GALNT17: variants seen among roughly 807,000 people sequenced by gnomAD.
GALNT17 encodes polypeptide N-acetylgalactosaminyltransferase 17, also known as UDP-GalNAc:polypeptide N-acetylgalactosaminyltransferase-like 3.
In GALNT17, 29 loss-of-function variants were observed where a neutral mutation model predicts 63.7. The ratio of observed to expected loss-of-function variants is 0.46; its 90% CI spans 0.34 to 0.62. GALNT17 has a LOEUF of 0.62. GALNT17 is among the 20% of genes least tolerant of loss of function. The probability of loss-of-function intolerance (pLI) is 0.01; values close to 1 mark genes in which losing one functional copy is unlikely to be tolerated. For missense variants in GALNT17, 603 were observed against 799.6 expected, an observed-to-expected ratio of 0.75 and a Z score of 2.97; for synonymous variants, 305 against 318.3, an observed-to-expected ratio of 0.96 and a Z score of 0.45.
chr7:71,531,196 A>G (rs1012229518), intron 5 of GALNT17, among the ~76,000 whole-genome samples: 1 of 152,170 alleles, frequency 6.6e-6, no homozygotes, highest in Non-Finnish European at 1.5e-5. Flanking sequence ...TAACACCACA[A>G]TCAATGCTAT....
At chr7:71,358,137 C>T (rs185772278) in intron 2 of GALNT17, among the ~76,000 whole-genome samples, 3 of 152,290 alleles carry the variant, frequency 2.0e-5, no homozygotes, top group Admixed American at 2.0e-4. Context: ...AGAGCTATAA[C>T]ACTCACCATG....
intron 1 of GALNT17, among the ~76,000 whole-genome samples, chr7:71,215,554 T>C (rs1037282316): frequency 1.3e-5 from 2 of 152,160 alleles, no homozygotes; most frequent in Non-Finnish European, 2.9e-5. Context: ...ACAGACCCCA[T>C]CTGTCACCTG....
At chr7:71,692,000 C>T (rs866758959) in intron 9 of GALNT17, among the ~76,000 whole-genome samples, 1 of 151,994 alleles carries the variant, frequency 6.6e-6, no homozygotes, top group African/African-American at 2.4e-5. Context: ...TAGCCGCGAC[C>T]TCCTGGATTC....
chr7:71,261,422 A>G (rs1367366754), intron 1 of GALNT17, among the ~76,000 whole-genome samples: 2 of 139,682 alleles, frequency 1.4e-5, no homozygotes, highest in Non-Finnish European at 3.2e-5. Flanking sequence ...ACTAAAGCAA[A>G]GGTCTGTGTT....
rs190278701 is a variant in GALNT17 at position 71,415,739 on chromosome 7, T to C, written c.590-150T>C. On this transcript the variant is annotated intron_variant, in intron 3 of 10. Coordinates refer to ENST00000333538, the MANE Select transcript of GALNT17 (RefSeq NM_022479.3). ...CAGAGATGTCTTCTGACTCCTAGAC[T>C]GATGAGATTTTCTTTTCTGCCAGAA... The C allele has an allele frequency of 3.9e-4, 332 of 845,130 alleles. No homozygotes were observed. The African/African-American group carries it at 4.8e-3, about 12-fold the overall frequency. 52.4% of individuals were successfully genotyped at this position (845,130 alleles called of 1,614,324 possible). A position where few individuals can be genotyped will look rare whatever the true frequency, so the allele number is the denominator to read the frequency against.
At chr7:71,596,198 C>T (rs1358911765) in intron 6 of GALNT17, among the ~76,000 whole-genome samples, 1 of 152,104 alleles carries the variant, frequency 6.6e-6, no homozygotes, top group African/African-American at 2.4e-5. Context: ...ACCACCACTC[C>T]CAGCTAATTT....
At chr7:71,325,211 G>A (rs143191256) in intron 1 of GALNT17, among the ~76,000 whole-genome samples, 2 of 152,306 alleles carry the variant, frequency 1.3e-5, no homozygotes, top group African/African-American at 4.8e-5. Context: ...TGCAATTTGT[G>A]CATTGTCTAT....
chr7:71,605,498 A>C lies in GALNT17; in HGVS notation c.1080+34096A>C, dbSNP rs563978041. Among the ~76,000 whole-genome samples, 6 of 151,934 alleles carry C rather than the reference A, an allele frequency of 3.9e-5. No individual in the cohort carries two copies. In the South Asian group the frequency reaches 1.3e-3, roughly 32 times the overall value. On this transcript the variant is annotated intron_variant, in intron 6 of 10. Transcript: ENST00000333538. The stretch of plus-strand genomic sequence containing the variant: ...CTACTCAGGAGGCTGAGGCAGGAGA[A>C]TCACTTGAACCCAGGAGGCGGAGGT...
At chr7:71,652,292 A>G (rs1313461269) in intron 6 of GALNT17, among the ~76,000 whole-genome samples, 1 of 152,116 alleles carries the variant, frequency 6.6e-6, no homozygotes, top group Non-Finnish European at 1.5e-5. Context: ...CTTGAGGTCC[A>G]TATTTGTCAA....
At chr7:71,440,601 C>T (rs1420946845) in intron 5 of GALNT17, among the ~76,000 whole-genome samples, 8 of 151,958 alleles carry the variant, frequency 5.3e-5, no homozygotes, top group South Asian at 2.1e-4. Flanking sequence ...CTTGAACTCC[C>T]GACCTCAGGT....
At chr7:71,216,236 A>G (rs1286359304) in intron 1 of GALNT17, among the ~76,000 whole-genome samples, 3 of 150,876 alleles carry the variant, frequency 2.0e-5, no homozygotes, top group Admixed American at 6.6e-5. Flanking sequence ...CCAAAACATG[A>G]AGAGAGAGAG....
chr7:71,547,159 A>C (rs754444963), intron 5 of GALNT17, among the ~76,000 whole-genome samples: 19 of 148,292 alleles, frequency 1.3e-4, no homozygotes, highest in Admixed American at 4.7e-4. Flanking sequence ...ACCCAGTCTT[A>C]TTATTATTAT....
intron 1 of GALNT17, among the ~76,000 whole-genome samples, chr7:71,298,165 C>T (rs1434644984): frequency 6.6e-6 from 1 of 152,086 alleles, no homozygotes; most frequent in Admixed American, 6.5e-5. Flanking sequence ...GGATTACAGG[C>T]GTGCGCCACC....
At chr7:71,524,479 A>G (rs914848397) in intron 5 of GALNT17, among the ~76,000 whole-genome samples, 31 of 152,008 alleles carry the variant, frequency 2.0e-4, no homozygotes, top group Non-Finnish European at 3.2e-4. Context: ...CCAGTACATC[A>G]AACTCTGACA....
chr7:71,482,079 A>ATGTGTGTG (rs371371505), intron 5 of GALNT17, among the ~76,000 whole-genome samples: 23,516 of 136,448 alleles, frequency 0.17, 2,221 homozygotes, highest in Admixed American at 0.21. Context: ...ACATATATGT[A>ATGTGTGTG]TATGTGTGTG....
intron 5 of GALNT17, among the ~76,000 whole-genome samples, chr7:71,565,072 G>A (rs1238558121): frequency 6.6e-6 from 1 of 152,140 alleles, no homozygotes; most frequent in African/African-American, 2.4e-5. Context: ...TTCGAGACCA[G>A]CCTGGCCAAC....
At chr7:71,342,690 A>G (rs1197970476) in intron 2 of GALNT17, among the ~76,000 whole-genome samples, 2 of 152,190 alleles carry the variant, frequency 1.3e-5, no homozygotes, top group East Asian at 3.9e-4. Context: ...GAGGAGGCAA[A>G]ATGTGTATGT....
intron 1 of GALNT17, among the ~76,000 whole-genome samples, chr7:71,159,358 C>G (rs1054368664): frequency 6.6e-6 from 1 of 151,404 alleles, no homozygotes. Flanking sequence ...TATGATAAGC[C>G]GAAGCTTTCT....
intron 2 of GALNT17, among the ~76,000 whole-genome samples, chr7:71,336,165 C>T (rs1421330875): frequency 2.0e-5 from 3 of 151,716 alleles, no homozygotes; most frequent in African/African-American, 7.3e-5. Context: ...CCTGCCTCAG[C>T]CTCCCGAGTA....
Sources: allele counts gnomAD v4.1 joint callset (sites outside exome capture counted in the v4.1 genomes callset), GRCh38; gene constraint gnomAD v4.1.1; transcripts MANE v1.5; gene names NCBI Gene and HGNC (gene_info 2026-07-23, HGNC 2026-07-21).